SLC44A5: variants seen among roughly 807,000 people sequenced by gnomAD.
SLC44A5 encodes choline transporter-like protein 5.
SLC44A5 carries 57 observed loss-of-function variants against 101.8 expected under a neutral mutation model. The observed-to-expected ratio is 0.56, with a 90% CI of 0.45 to 0.70. The LOEUF is 0.70. Among genes scored for constraint, SLC44A5 ranks in the 30% least tolerant of loss-of-function variants. SLC44A5 has a pLI of 0.00. For missense variants in SLC44A5, 737 were observed against 853.1 expected (o/e 0.86, Z 1.70); for synonymous variants, 281 against 290.9 (o/e 0.97, Z 0.35).
intron 2 of SLC44A5, among the ~76,000 whole-genome samples, chr1:75,434,025 G>C (rs972888954): frequency 1.3e-5 from 2 of 151,736 alleles, no homozygotes; most frequent in Non-Finnish European, 2.9e-5. Flanking sequence ...TCTCCAACTG[G>C]GCCCCTCCCG....
chr1:75,532,239 T>C (rs2101922643), intron 2 of SLC44A5, among the ~76,000 whole-genome samples: 2 of 152,326 alleles, frequency 1.3e-5, no homozygotes, highest in East Asian at 3.9e-4. Flanking sequence ...CAGACTTTTA[T>C]AAACTAAAAG....
At chr1:75,445,557 A>ATATTACGT (rs1557791779) in intron 2 of SLC44A5, among the ~76,000 whole-genome samples, 194 of 149,178 alleles carry the variant, frequency 1.3e-3, no homozygotes, top group Non-Finnish European at 1.7e-3. Context: ...ATATATGTAT[A>ATATTACGT]AATTATATAT....
chr1:75,221,755 G>A (rs796878580), intron 14 of SLC44A5, among the ~76,000 whole-genome samples: 6 of 152,178 alleles, frequency 3.9e-5, no homozygotes, highest in African/African-American at 1.4e-4. Context: ...ACTTTCACAT[G>A]TGTCATTCTC....
At chr1:75,701,498 G>A in the SLC44A5 span, among the ~76,000 whole-genome samples, 3 of 152,032 alleles carry the variant, frequency 2.0e-5, no homozygotes, top group Admixed American at 2.0e-4. Context: ...GTATTGATGG[G>A]ATGTATCTCA....
intron 4 of SLC44A5, among the ~76,000 whole-genome samples, chr1:75,333,962 C>T (rs955478178): frequency 6.6e-6 from 1 of 152,120 alleles, no homozygotes; most frequent in Non-Finnish European, 1.5e-5. Context: ...AGGGACTTTG[C>T]ATTTGTTATC....
chr1:75,504,186 C>T (rs997318160), intron 2 of SLC44A5, among the ~76,000 whole-genome samples: 1 of 151,956 alleles, frequency 6.6e-6, no homozygotes, highest in African/African-American at 2.4e-5. Flanking sequence ...TTCCATTTTC[C>T]CCAAGGTTAT....
intron 3 of SLC44A5, among the ~76,000 whole-genome samples, chr1:75,348,846 G>A (rs1658436690): frequency 6.6e-6 from 1 of 152,166 alleles, no homozygotes; most frequent in Non-Finnish European, 1.5e-5. Flanking sequence ...GTAGATAAAT[G>A]TGAAGAACTA....
intron 1 of SLC44A5, among the ~76,000 whole-genome samples, chr1:75,545,633 C>G (rs1671604522): frequency 6.6e-6 from 1 of 152,148 alleles, no homozygotes; most frequent in Admixed American, 6.5e-5. Context: ...CTCCACTTTT[C>G]ATTCTGTAAT....
chr1:75,510,100 GACCCACCTCC>G (rs987584995), intron 2 of SLC44A5, among the ~76,000 whole-genome samples: 4 of 152,118 alleles, frequency 2.6e-5, no homozygotes, highest in Admixed American at 2.6e-4. Flanking sequence ...GCATGGGAAA[GACCCACCTCC>G]ATGATTCAAT....
At chr1:75,468,134 G>A (rs767040543) in intron 2 of SLC44A5, among the ~76,000 whole-genome samples, 7 of 152,134 alleles carry the variant, frequency 4.6e-5, no homozygotes, top group Admixed American at 6.6e-5. Context: ...ATCTCATCCC[G>A]GTTAAAATGG....
At chr1:75,434,615 T>C (rs142572028) in intron 2 of SLC44A5, among the ~76,000 whole-genome samples, 6 of 152,242 alleles carry the variant, frequency 3.9e-5, no homozygotes, top group African/African-American at 1.4e-4. Context: ...GGAAAACTCC[T>C]TCATGTGACA....
At chr1:75,471,857 T>C (rs1438165984) in intron 2 of SLC44A5, among the ~76,000 whole-genome samples, 2 of 145,578 alleles carry the variant, frequency 1.4e-5, no homozygotes, top group Non-Finnish European at 1.5e-5. Context: ...CTAAGGACCA[T>C]GAACAAGGAA....
chr1:75,675,363 C>G, the SLC44A5 span, among the ~76,000 whole-genome samples: 3 of 152,090 alleles, frequency 2.0e-5, no homozygotes, highest in African/African-American at 7.2e-5. Flanking sequence ...GTTTTATTCT[C>G]TTTGTAGCAA....
intron 2 of SLC44A5, among the ~76,000 whole-genome samples, chr1:75,536,286 G>A (rs187969047): frequency 0.011 from 1,684 of 151,984 alleles, 20 homozygotes; most frequent in Middle Eastern, 0.038. Context: ...TAAAAAACAC[G>A]GAAAAAGTGT....
intron 3 of SLC44A5, among the ~76,000 whole-genome samples, chr1:75,392,080 G>C (rs1018305057): frequency 1.3e-5 from 2 of 151,996 alleles, no homozygotes; most frequent in Non-Finnish European, 2.9e-5. Context: ...GCCTAGGAAG[G>C]TCTATGCTGC....
intron 2 of SLC44A5, among the ~76,000 whole-genome samples, chr1:75,532,603 C>T (rs923579056): frequency 9.2e-5 from 14 of 152,192 alleles, no homozygotes; most frequent in African/African-American, 3.4e-4. Flanking sequence ...TAACATACTA[C>T]ATATTTAAAT....
Position 75,252,342 on chromosome 1 carries a change from C to T in SLC44A5, c.261-1048G>A, listed in dbSNP as rs142869641. ...CTATTGAGCAATATTTTTCCTACCACTCAAAATCAGTAAGTAGGATCCAAA... is the reference window on the plus strand; with the variant it reads ...CTATTGAGCAATATTTTTCCTACCATTCAAAATCAGTAAGTAGGATCCAAA... On this transcript the variant is annotated intron_variant, in intron 6 of 23. Coordinates refer to ENST00000370859, the MANE Select transcript of SLC44A5 (RefSeq NM_001130058.2). Among the ~76,000 whole-genome samples, 38 of 152,334 alleles carry T rather than the reference C, an allele frequency of 2.5e-4. No individual in the cohort carries two copies. The East Asian group carries it at 6.9e-3, about 28-fold the overall frequency.
chr1:75,476,398 C>T (rs560246016), intron 2 of SLC44A5, among the ~76,000 whole-genome samples: 25 of 152,158 alleles, frequency 1.6e-4, no homozygotes, highest in African/African-American at 3.4e-4. Flanking sequence ...AGACAGTGGG[C>T]GCAGGACAGT....
At chr1:75,561,347 C>T (rs1423010503) in intron 1 of SLC44A5, among the ~76,000 whole-genome samples, 1 of 152,068 alleles carries the variant, frequency 6.6e-6, no homozygotes, top group Admixed American at 6.6e-5. Flanking sequence ...TTTCAAATTA[C>T]TCTTACCCTG....
Sources: gnomAD v4.1 joint callset for allele counts (sites outside exome capture counted in the v4.1 genomes callset) on GRCh38, gnomAD v4.1.1 for gene constraint, MANE v1.5 for transcripts, NCBI Gene and HGNC (gene_info 2026-07-23, HGNC 2026-07-21) for gene names.